CAPS2: variants seen among roughly 807,000 people sequenced by gnomAD.
CAPS2 encodes calcyphosine 2, also known as calcyphosin-2.
CAPS2 carries 98 observed loss-of-function variants against 86.5 expected under a neutral mutation model. The ratio of observed to expected loss-of-function variants is 1.13; its 90% confidence interval spans 0.96 to 1.34. CAPS2 has a LOEUF of 1.34. CAPS2 is among the 40% of genes most tolerant of loss of function. The pLI is 0.00. For synonymous variants in CAPS2, 210 were observed against 225.1 expected (o/e 0.93, Z 0.60); for missense variants, 729 against 686.8 (o/e 1.06, Z -0.69).
chr12:75,322,714 T>A (rs1292759536), intron 4 of CAPS2, among the ~76,000 whole-genome samples: 1 of 152,186 alleles, frequency 6.6e-6, no homozygotes, highest in Non-Finnish European at 1.5e-5. Context: ...AGCAGCAAGA[T>A]CTGATCTAAG....
intron 1 of CAPS2, 96 bp downstream of exon 2, chr12:75,326,322 A>G (rs1418375437): frequency 1.2e-5 from 6 of 494,298 alleles, no homozygotes; most frequent in Non-Finnish European, 2.2e-5. Context: ...GATCCTAAAT[A>G]TCTGTGAATA....
chr12:75,303,048 T>C (rs2038009501), intron 8 of CAPS2, among the ~76,000 whole-genome samples: 1 of 152,158 alleles, frequency 6.6e-6, no homozygotes, highest in Non-Finnish European at 1.5e-5. Flanking sequence ...AATGAGTACA[T>C]ATGTTTACCA....
chr12:75,367,188 T>C (rs2044027836), intron 1 of CAPS2, among the ~76,000 whole-genome samples: 1 of 150,560 alleles, frequency 6.6e-6, no homozygotes, highest in African/African-American at 2.4e-5. Flanking sequence ...TCCTTGGCTT[T>C]AGAAAATGGC....
chr12:75,287,867 G>A (rs1239248671), intron 14 of CAPS2, among the ~76,000 whole-genome samples: 1 of 152,158 alleles, frequency 6.6e-6, no homozygotes, highest in East Asian at 1.9e-4. Context: ...CTTGTGACCG[G>A]TGCTCTATGC....
intron 2 of CAPS2, among the ~76,000 whole-genome samples, chr12:75,324,834 G>A (rs2040617698): frequency 6.6e-6 from 1 of 151,788 alleles, no homozygotes; most frequent in African/African-American, 2.4e-5. Flanking sequence ...ATAATTTTAA[G>A]ATTCATAAAA....
intron 13 of CAPS2, among the ~76,000 whole-genome samples, 174 bp from the exon 14 acceptor site, chr12:75,289,949 G>A (rs1019529464): frequency 3.9e-5 from 6 of 152,160 alleles, no homozygotes; most frequent in African/African-American, 1.4e-4. Flanking sequence ...TTTTAATCAA[G>A]AGGATTAAAC....
intron 1 of CAPS2, among the ~76,000 whole-genome samples, chr12:75,357,579 T>C (rs1347193462): frequency 2.0e-5 from 3 of 152,094 alleles, no homozygotes; most frequent in Non-Finnish European, 2.9e-5. Context: ...GTACATGAAA[T>C]ATTTAATAAT....
rs1334258998 is a variant in CAPS2 at position 75,293,373 on chromosome 12, C to T, written c.1045-6G>A. 2 of 1,544,964 alleles carry T rather than the reference C, an allele frequency of 1.3e-6. No individual in the cohort carries two copies. Among genetic ancestry groups the T allele is most frequent in the African/African-American group, 2.7e-5 (2 of 73,256 alleles). Reference sequence around the variant, plus strand: ...AAAAATGTCAAGGTTGCACCCTAAACAAAAGAACAGATGAATGAAGCTAGA... The same window carrying T: ...AAAAATGTCAAGGTTGCACCCTAAATAAAAGAACAGATGAATGAAGCTAGA... On this transcript the variant is annotated splice_region_variant and splice_polypyrimidine_tract_variant and intron_variant, in intron 11 of 16. Coordinates refer to ENST00000393284, the Ensembl canonical transcript of CAPS2.
intron 1 of CAPS2, among the ~76,000 whole-genome samples, chr12:75,389,844 A>T (rs2085437450): frequency 6.6e-6 from 1 of 152,204 alleles, no homozygotes; most frequent in Non-Finnish European, 1.5e-5. Context: ...TAATTCACTA[A>T]ATTGTAAGCT....
At chr12:75,349,699 G>GA (rs1014292877) in intron 1 of CAPS2, among the ~76,000 whole-genome samples, 2 of 152,034 alleles carry the variant, frequency 1.3e-5, no homozygotes, top group African/African-American at 2.4e-5. Context: ...AGACATTCCA[G>GA]AAAAAAAGAT....
chr12:75,323,647 G>A (rs1328322194), intron 2 of CAPS2, among the ~76,000 whole-genome samples: 1 of 152,216 alleles, frequency 6.6e-6, no homozygotes, highest in Non-Finnish European at 1.5e-5. Flanking sequence ...GGAGGCTAAG[G>A]CAGGAGAATC....
At chr12:75,334,822 C>G (rs1266323510), upstream of CAPS2, 1 of 1,614,162 alleles carries the variant, frequency 6.2e-7, no homozygotes, top group Non-Finnish European at 8.5e-7. Flanking sequence ...CACTGACCCA[C>G]ACTTTATAGA....
intron 1 of CAPS2, among the ~76,000 whole-genome samples, chr12:75,372,613 C>T (rs2044433131): frequency 6.6e-6 from 1 of 152,102 alleles, no homozygotes; most frequent in Non-Finnish European, 1.5e-5. Flanking sequence ...CTCGTGAATC[C>T]TGGCTATGAG....
intron 1 of CAPS2, among the ~76,000 whole-genome samples, chr12:75,377,484 T>A (rs2139774221): frequency 6.6e-6 from 1 of 152,258 alleles, no homozygotes; most frequent in African/African-American, 2.4e-5. Context: ...AATGCAGCCA[T>A]CAGTCTGTGA....
intron 1 of CAPS2, among the ~76,000 whole-genome samples, chr12:75,376,941 C>G (rs2044682045): frequency 6.6e-6 from 1 of 152,152 alleles, no homozygotes; most frequent in Non-Finnish European, 1.5e-5. Flanking sequence ...CTGAGCTCAT[C>G]ATTTTCTTTC....
At chr12:75,366,847 T>A (rs1253491814) in intron 1 of CAPS2, 1 of 700,510 alleles carries the variant, frequency 1.4e-6, no homozygotes, top group Non-Finnish European at 2.6e-6. Flanking sequence ...TCTATATGCA[T>A]TTCTTGAATG....
At chr12:75,283,856 A>G (rs1207508815) in intron 15 of CAPS2, among the ~76,000 whole-genome samples, 1 of 152,108 alleles carries the variant, frequency 6.6e-6, no homozygotes, top group Non-Finnish European at 1.5e-5. Flanking sequence ...CAACACAGAC[A>G]AAGGGAAGAC....
At chr12:75,280,248 T>C (rs917429195) in intron 16 of CAPS2, among the ~76,000 whole-genome samples, 4 of 151,942 alleles carry the variant, frequency 2.6e-5, no homozygotes, top group African/African-American at 4.8e-5. Flanking sequence ...TACCTTAAAA[T>C]CAATTGTAAA....
At chr12:75,306,908 C>A (rs1323644379) in intron 7 of CAPS2, among the ~76,000 whole-genome samples, 1 of 151,828 alleles carries the variant, frequency 6.6e-6, no homozygotes, top group African/African-American at 2.4e-5. Flanking sequence ...TTAAAGTAAA[C>A]ATTAAAGATT....
Sources: gnomAD v4.1 joint callset for allele counts (sites outside exome capture counted in the v4.1 genomes callset) on GRCh38, gnomAD v4.1.1 for gene constraint, MANE v1.5 for transcripts, NCBI Gene and HGNC (gene_info 2026-07-23, HGNC 2026-07-21) for gene names.